GPHN: variants seen among roughly 807,000 people sequenced by gnomAD.
GPHN encodes gephyrin.
A neutral mutation model predicts 95.5 loss-of-function variants in GPHN; 17 were observed. The observed-to-expected ratio is 0.18, with a 90% CI of 0.12 to 0.27. The LOEUF (loss-of-function observed/expected upper bound fraction) is 0.27, where lower values mean the gene tolerates loss of function less well. Among genes scored for constraint, GPHN ranks in the 10% least tolerant of loss-of-function variants. The pLI, the probability that GPHN is intolerant of heterozygous loss-of-function variation, is 1.00. For missense variants in GPHN, 660 were observed against 978.1 expected, an observed-to-expected ratio of 0.67 and a Z score of 4.34; for synonymous variants, 320 against 322.5, an observed-to-expected ratio of 0.99 and a Z score of 0.08.
the GPHN span, among the ~76,000 whole-genome samples, chr14:67,243,827 CAT>C: frequency 6.6e-6 from 1 of 152,174 alleles, no homozygotes; most frequent in Non-Finnish European, 1.5e-5. Context: ...CTTACTGAAT[CAT>C]AGGATCGTTG....
chr14:67,107,586 T>C (rs373837242), intron 13 of GPHN, among the ~76,000 whole-genome samples: 2 of 152,182 alleles, frequency 1.3e-5, no homozygotes, highest in African/African-American at 4.8e-5. Flanking sequence ...CCAGAGCCAG[T>C]AGGGCTCAGC....
At chr14:67,343,365 TACTC>T in the GPHN span, 37 of 1,607,744 alleles carry the variant, frequency 2.3e-5, no homozygotes, top group African/African-American at 6.7e-5. Flanking sequence ...CAGTACCTAA[TACTC>T]ACCATGTTCA....
chr14:67,411,368 C>T, the GPHN span, among the ~76,000 whole-genome samples: 4 of 152,184 alleles, frequency 2.6e-5, no homozygotes, highest in Admixed American at 6.5e-5. Context: ...GGGCAAGCTA[C>T]TTCATCTTTC....
the GPHN span, chr14:67,337,926 G>C: frequency 1.3e-5 from 2 of 152,158 alleles, no homozygotes; most frequent in Admixed American, 6.5e-5. Context: ...TGTCTCAAAA[G>C]TAAGCCTTTT....
intron 19 of GPHN, 58 bp downstream of exon 19, chr14:67,159,546 C>T: frequency 1.1e-6 from 1 of 913,250 alleles, no homozygotes; most frequent in East Asian, 2.4e-5. Flanking sequence ...CTTTAACTAA[C>T]AAATTTTTAA....
the GPHN span, among the ~76,000 whole-genome samples, chr14:67,313,099 C>T: frequency 6.6e-6 from 1 of 152,118 alleles, no homozygotes; most frequent in Non-Finnish European, 1.5e-5. Context: ...GGAAAAGTAA[C>T]ATCATAGAAT....
chr14:67,198,282 T>G, the GPHN span: 4 of 1,613,698 alleles, frequency 2.5e-6, no homozygotes, highest in African/African-American at 5.3e-5. Context: ...GTATGCCCCT[T>G]TTGTATCTCC....
At chr14:67,003,532 T>A (rs1304206023) in intron 9 of GPHN, among the ~76,000 whole-genome samples, 1 of 151,750 alleles carries the variant, frequency 6.6e-6, no homozygotes, top group African/African-American at 2.4e-5. Flanking sequence ...GTTTTCTTCC[T>A]TGGACAGCTC....
rs568607370 is a variant in GPHN, at chr14:66,876,331, T to C, written c.295-3608T>C. On this transcript the variant is annotated intron_variant, in intron 4 of 22. Coordinates refer to ENST00000478722, the MANE Select transcript of GPHN (RefSeq NM_020806.5). ...TAAAATCAACACCCTAATATCACAATTAAAAGAACTAGAGAAGCAAGAGCA... is the reference window on the plus strand; with the variant it reads ...TAAAATCAACACCCTAATATCACAACTAAAAGAACTAGAGAAGCAAGAGCA... Among the ~76,000 whole-genome samples the C allele has an allele frequency of 1.5e-3, 226 of 151,890 alleles. 2 individuals are homozygous for C. The highest frequency in any genetic ancestry group is 6.8e-3 in the Middle Eastern group (2 of 294).
intron 4 of GPHN, among the ~76,000 whole-genome samples, chr14:66,842,358 C>A (rs1326860436): frequency 5.6e-5 from 8 of 144,054 alleles, no homozygotes; most frequent in African/African-American, 2.1e-4. Flanking sequence ...ATTAGAAACC[C>A]GACCTACACA....
At chr14:67,292,240 C>T in the GPHN span, among the ~76,000 whole-genome samples, 5 of 152,072 alleles carry the variant, frequency 3.3e-5, no homozygotes, top group Admixed American at 6.6e-5. Flanking sequence ...TTTATTTTTG[C>T]ATTCCTCCCC....
chr14:67,228,300 G>A, the GPHN span: 49,399 of 372,936 alleles, frequency 0.13, 6,353 homozygotes, highest in East Asian at 0.44. Flanking sequence ...ATATAATTTT[G>A]TTTGTTTCAA....
chr14:66,569,830 G>A (rs550804741), intron 1 of GPHN, among the ~76,000 whole-genome samples: 3 of 151,966 alleles, frequency 2.0e-5, no homozygotes, highest in Non-Finnish European at 4.4e-5. Context: ...TTAGCAATTT[G>A]AAGTGTACAA....
chr14:66,969,861 A>G (rs1438984170), intron 9 of GPHN: 3 of 151,852 alleles, frequency 2.0e-5, no homozygotes, highest in African/African-American at 7.2e-5. Context: ...GGCAGAAAAT[A>G]ATGATTACAG....
At chr14:67,128,550 G>A (rs1206177446) in intron 17 of GPHN, among the ~76,000 whole-genome samples, 11 of 152,150 alleles carry the variant, frequency 7.2e-5, no homozygotes, top group Non-Finnish European at 4.4e-5. Flanking sequence ...GTATATGCAT[G>A]GGAAGGTATT....
At chr14:66,881,117 C>T (rs1198835072) in intron 5 of GPHN, among the ~76,000 whole-genome samples, 1 of 151,936 alleles carries the variant, frequency 6.6e-6, no homozygotes, top group Non-Finnish European at 1.5e-5. Flanking sequence ...TATATCCCAT[C>T]AGTGGCAGCC....
chr14:66,600,052 C>G (rs1006941629), intron 1 of GPHN, among the ~76,000 whole-genome samples: 4 of 151,918 alleles, frequency 2.6e-5, no homozygotes, highest in Admixed American at 2.6e-4. Flanking sequence ...GAATTTCTGG[C>G]ATGTACCCCT....
Position 66,625,759 on chromosome 14 carries a change from C to CT in GPHN, c.65-55343dup, listed in dbSNP as rs544310241. Reference sequence around the variant, plus strand: ...TTCTTGCATTGTTTATTCCCAAATCCTTTTTGTTTGTTACTGCGTTTAGTT... The same window carrying CT: ...TTCTTGCATTGTTTATTCCCAAATCCTTTTTTGTTTGTTACTGCGTTTAGTT... On this transcript the variant is annotated intron_variant, in intron 1 of 22. Coordinates refer to ENST00000478722, the MANE Select transcript of GPHN (RefSeq NM_020806.5). 7.9e-5 allele frequency among the ~76,000 whole-genome samples: 12 copies of CT among 152,176 alleles called. No homozygotes were observed. The South Asian group carries it at 2.5e-3, about 32-fold the overall frequency.
intron 19 of GPHN, 81 bp from the exon 20 acceptor site, chr14:67,165,081 G>A (rs1156440171): frequency 1.1e-6 from 1 of 940,890 alleles, no homozygotes; most frequent in Non-Finnish European, 1.8e-6. Context: ...TAAGTGTATG[G>A]ATTACAAAAA....
Sources: gnomAD v4.1 joint callset for allele counts (sites outside exome capture counted in the v4.1 genomes callset) on GRCh38, gnomAD v4.1.1 for gene constraint, MANE v1.5 for transcripts, NCBI Gene and HGNC (gene_info 2026-07-23, HGNC 2026-07-21) for gene names.